The following SFMBT1 variants were observed in gnomAD, a reference collection of about 807,000 sequenced individuals.
SFMBT1 encodes the protein Scm like with four mbt domains 1.
SFMBT1 carries 32 observed loss-of-function variants against 108.7 expected under a neutral mutation model. The ratio of observed to expected loss-of-function variants is 0.29; its 90% confidence interval spans 0.22 to 0.40. The LOEUF (loss-of-function observed/expected upper bound fraction) is 0.40. Among genes scored for constraint, SFMBT1 ranks in the 10% least tolerant of loss-of-function variants. The probability of loss-of-function intolerance (pLI) is 1.00; values close to 1 mark genes in which losing one functional copy is unlikely to be tolerated. For synonymous variants in SFMBT1, 348 were observed against 369.5 expected, an observed-to-expected ratio of 0.94 and a Z score of 0.67; for missense variants, 816 against 1,059.6, an observed-to-expected ratio of 0.77 and a Z score of 3.19.
intron 1 of SFMBT1, among the ~76,000 whole-genome samples, chr3:52,986,723 C>T (rs1008287054): frequency 2.7e-5 from 4 of 147,764 alleles, no homozygotes; most frequent in African/African-American, 1.0e-4. Context: ...TTGCAGTGAA[C>T]CGAGATCGCG....
chr3:52,920,924 C>G (rs1364694314), intron 11 of SFMBT1, among the ~76,000 whole-genome samples: 2 of 152,138 alleles, frequency 1.3e-5, no homozygotes, highest in East Asian at 3.8e-4. Flanking sequence ...CTGGAACTAC[C>G]ACTGGTATCA....
chr3:52,935,321 T>C (rs1156609014), intron 4 of SFMBT1, among the ~76,000 whole-genome samples: 1 of 152,246 alleles, frequency 6.6e-6, no homozygotes, highest in East Asian at 1.9e-4. Context: ...GAGGGCTTAA[T>C]CCAGCCTGCT....
chr3:53,023,484 G>C (rs1329006903), intron 1 of SFMBT1, among the ~76,000 whole-genome samples: 1 of 152,152 alleles, frequency 6.6e-6, no homozygotes, highest in Admixed American at 6.5e-5. Context: ...AGTTTAATTT[G>C]TTCTACATCT....
At chr3:52,986,009 A>G (rs568170806) in intron 1 of SFMBT1, among the ~76,000 whole-genome samples, 4 of 151,874 alleles carry the variant, frequency 2.6e-5, no homozygotes, top group South Asian at 4.2e-4. Flanking sequence ...TCGGTGTGGT[A>G]GTGGGCGCCT....
At chr3:52,962,808 CA>C (rs369325114) in intron 2 of SFMBT1, among the ~76,000 whole-genome samples, 2 of 101,406 alleles carry the variant, frequency 2.0e-5, no homozygotes, top group African/African-American at 8.1e-5. Context: ...CTCCCTGTCT[CA>C]AAAAAAAAAA....
chr3:52,925,380 G>A (rs1384133863), intron 10 of SFMBT1, among the ~76,000 whole-genome samples: 1 of 152,166 alleles, frequency 6.6e-6, no homozygotes, highest in African/African-American at 2.4e-5. Flanking sequence ...ATAATTAAAT[G>A]CTCATTTATC....
chr3:52,966,418 G>A (rs1346737503), intron 2 of SFMBT1, among the ~76,000 whole-genome samples: 7 of 146,020 alleles, frequency 4.8e-5, no homozygotes, highest in South Asian at 2.2e-4. Context: ...AGGGTCAGGA[G>A]ATCGAGACCA....
At chr3:52,981,726 T>A (rs1475667738) in intron 1 of SFMBT1, among the ~76,000 whole-genome samples, 1 of 151,744 alleles carries the variant, frequency 6.6e-6, no homozygotes, top group East Asian at 1.9e-4. Flanking sequence ...TGGGGGAAAA[T>A]GTGCTACAAA....
chr3:52,926,859 C>A (rs1348784808), intron 9 of SFMBT1, among the ~76,000 whole-genome samples: 1 of 152,090 alleles, frequency 6.6e-6, no homozygotes, highest in Non-Finnish European at 1.5e-5. Context: ...AAAAAATAGG[C>A]TACTCAAGTC....
intron 12 of SFMBT1, 45 bp from the exon 13 acceptor site, chr3:52,918,571 A>G: frequency 7.5e-7 from 1 of 1,325,832 alleles, no homozygotes; most frequent in Non-Finnish European, 1.0e-6. Context: ...AAATAAAAAG[A>G]CAAAGGAAAA....
intron 1 of SFMBT1, among the ~76,000 whole-genome samples, chr3:53,007,392 C>T (rs1698785287): frequency 1.3e-5 from 2 of 152,312 alleles, no homozygotes; most frequent in South Asian, 4.1e-4. Flanking sequence ...TCAATATTTG[C>T]TAATTATTTT....
intron 1 of SFMBT1, among the ~76,000 whole-genome samples, chr3:52,981,017 C>T (rs1377521466): frequency 6.6e-6 from 1 of 152,048 alleles, no homozygotes; most frequent in Non-Finnish European, 1.5e-5. Flanking sequence ...ACAAAATTAG[C>T]CGGGCGTGGT....
chr3:52,907,228 C>T lies in SFMBT1; in HGVS notation c.2172G>A (p.Glu724=), dbSNP rs964104831. 6 of 1,614,090 alleles carry T rather than the reference C, an allele frequency of 3.7e-6. No individual in the cohort carries two copies. The highest frequency in any genetic ancestry group is 1.6e-4 in the Middle Eastern group (1 of 6,062). ...CTGACATTTCTGATTCTTCCTGTAG[C>T]TCATCCTGCTGCTCGGATGTACTGC... ...SEGSTSEQQD[E]LQEESEMSEK... Residue 724 remains glutamate, a synonymous_variant, in exon 19 of 21, where the codon GAG becomes GAA. Coordinates refer to ENST00000394752, the MANE Select transcript of SFMBT1 (RefSeq NM_016329.4).
rs1387146630 is a variant in SFMBT1, at chr3:52,926,073, T to C, written c.1089A>G (p.Lys363=). The change falls in exon 10 of 21, where the codon AAA becomes AAG. Residue 363 remains lysine (K), a synonymous_variant. Coordinates refer to ENST00000394752, the MANE Select transcript of SFMBT1 (RefSeq NM_016329.4). ...GGGGAGCAGCTTCAGCACCACACTG[T>C]TTGAGGTAGTCAGCCCAGTCAAAGT... The part of the protein sequence containing the change: ...SQDFDWADYL[K]QCGAEAAPQR... The C allele has an allele frequency of 1.2e-6, 2 of 1,601,528 alleles. No individual in the cohort carries two copies. The highest frequency in any genetic ancestry group is 1.1e-5 in the South Asian group (1 of 89,282).
intron 5 of SFMBT1, among the ~76,000 whole-genome samples, chr3:52,933,418 A>G (rs1702916645): frequency 6.6e-6 from 1 of 152,238 alleles, no homozygotes; most frequent in Non-Finnish European, 1.5e-5. Context: ...TAAAGAAAAG[A>G]AATTCATTAT....
intron 17 of SFMBT1, 108 bp from the exon 18 acceptor site, chr3:52,907,841 T>C (rs909817316): frequency 2.0e-5 from 21 of 1,039,162 alleles, no homozygotes; most frequent in Admixed American, 2.8e-5. Flanking sequence ...TTGTATTTGA[T>C]TGGGGTTTAA....
chr3:52,954,212 C>T (rs1575399292), intron 3 of SFMBT1, 105 bp downstream of exon 3: 1 of 863,658 alleles, frequency 1.2e-6, no homozygotes, highest in Non-Finnish European at 1.8e-6. Context: ...TCTTAAATTA[C>T]TTCAAGTACC....
At chr3:52,927,046 C>A (rs1298003539) in intron 9 of SFMBT1, among the ~76,000 whole-genome samples, 1 of 152,168 alleles carries the variant, frequency 6.6e-6, no homozygotes, top group Non-Finnish European at 1.5e-5. Context: ...CTGAAAGCTT[C>A]AGTATTTTTA....
At chr3:52,973,226 TAAGTAAAAATAAATAAATAA>T (rs764929772) in intron 1 of SFMBT1, among the ~76,000 whole-genome samples, 8 of 151,866 alleles carry the variant, frequency 5.3e-5, no homozygotes, top group African/African-American at 9.7e-5. Context: ...CAAAAATTAA[TAAGTAAAAATAAATAAATAA>T]AAGTAAAAAT....
Sources: allele counts gnomAD v4.1 joint callset (sites outside exome capture counted in the v4.1 genomes callset), GRCh38; gene constraint gnomAD v4.1.1; transcripts MANE v1.5; gene names NCBI Gene and HGNC (gene_info 2026-07-23, HGNC 2026-07-21).